CNBD1: variants seen among roughly 807,000 people sequenced by gnomAD.
CNBD1 encodes cyclic nucleotide binding domain containing 1, also known as cyclic nucleotide-binding domain-containing protein 1.
CNBD1 carries 71 observed loss-of-function variants against 54.4 expected under a neutral mutation model. That is an observed-to-expected ratio of 1.30 (90% confidence interval 1.08 to 1.59). The LOEUF is 1.59. Among genes scored for constraint, CNBD1 ranks in the 40% most tolerant of loss-of-function variants. The probability of loss-of-function intolerance (pLI) is 0.00; values close to 1 mark genes in which losing one functional copy is unlikely to be tolerated. For missense variants in CNBD1, 659 were observed against 518.0 expected (o/e 1.27, Z -2.64); for synonymous variants, 182 against 170.7 (o/e 1.07, Z -0.51).
At chr8:87,345,196 G>A (rs1474200983) in intron 8 of CNBD1, among the ~76,000 whole-genome samples, 2 of 152,044 alleles carry the variant, frequency 1.3e-5, no homozygotes, top group Admixed American at 6.5e-5. Context: ...TTGAAATGAA[G>A]CATATACACT....
chr8:86,877,370 G>T (rs1808536709), intron 1 of CNBD1, among the ~76,000 whole-genome samples: 1 of 152,040 alleles, frequency 6.6e-6, no homozygotes, highest in African/African-American at 2.4e-5. Context: ...AGTTGTATGG[G>T]TATGTGATTT....
chr8:87,333,238 G>C (rs1332685540), intron 8 of CNBD1, among the ~76,000 whole-genome samples: 2 of 152,178 alleles, frequency 1.3e-5, no homozygotes, highest in Admixed American at 6.5e-5. Context: ...CTGAGACTTT[G>C]CTGAAGTTGC....
intron 2 of CNBD1, among the ~76,000 whole-genome samples, chr8:86,900,442 C>T (rs1049634962): frequency 4.6e-5 from 7 of 152,110 alleles, no homozygotes; most frequent in East Asian, 1.9e-4. Flanking sequence ...AAGATTTGAT[C>T]GTGACTCACA....
At chr8:87,377,525 G>A (rs1317079740) in intron 10 of CNBD1, among the ~76,000 whole-genome samples, 1 of 151,880 alleles carries the variant, frequency 6.6e-6, no homozygotes, top group African/African-American at 2.4e-5. Context: ...TTGTATATGT[G>A]CCACATTTTC....
intron 2 of CNBD1, among the ~76,000 whole-genome samples, chr8:87,406,191 A>G (rs560280618): frequency 1.3e-5 from 2 of 152,200 alleles, no homozygotes; most frequent in South Asian, 4.1e-4. Flanking sequence ...CATCTAAGCC[A>G]TTGAGTCCAA....
intron 4 of CNBD1, among the ~76,000 whole-genome samples, chr8:86,989,567 C>T (rs1273485104): frequency 1.3e-5 from 2 of 152,130 alleles, no homozygotes; most frequent in Non-Finnish European, 2.9e-5. Context: ...TCTCCTGTCT[C>T]AGCCTCCCAA....
At chr8:87,425,800 G>A (rs1232462892) in intron 2 of CNBD1, among the ~76,000 whole-genome samples, 18 of 152,088 alleles carry the variant, frequency 1.2e-4, no homozygotes, top group African/African-American at 3.6e-4. Flanking sequence ...CCCAGAGGTG[G>A]AGCCTACAGA....
intron 4 of CNBD1, among the ~76,000 whole-genome samples, chr8:87,036,366 G>T (rs901657405): frequency 6.6e-6 from 1 of 151,938 alleles, no homozygotes; most frequent in Non-Finnish European, 1.5e-5. Context: ...AGGCCGAGGC[G>T]GGCGGATCAC....
intron 10 of CNBD1, among the ~76,000 whole-genome samples, chr8:87,379,377 G>T (rs1044777481): frequency 6.6e-6 from 1 of 151,584 alleles, no homozygotes; most frequent in African/African-American, 2.4e-5. Flanking sequence ...TGCACCAAGC[G>T]GACCTAGTAG....
At chr8:87,209,056 A>G (rs534156866) in intron 5 of CNBD1, among the ~76,000 whole-genome samples, 1 of 152,220 alleles carries the variant, frequency 6.6e-6, no homozygotes, top group African/African-American at 2.4e-5. Context: ...TAATTCAAAT[A>G]ATTTATTCTT....
At chr8:87,366,761 T>C (rs1214799389) in intron 10 of CNBD1, among the ~76,000 whole-genome samples, 1 of 152,032 alleles carries the variant, frequency 6.6e-6, no homozygotes, top group Non-Finnish European at 1.5e-5. Flanking sequence ...AAGCTTTCTA[T>C]TTATTGTTCT....
chr8:87,298,783 C>T (rs183903260), intron 8 of CNBD1, among the ~76,000 whole-genome samples: 9 of 149,948 alleles, frequency 6.0e-5, no homozygotes, highest in African/African-American at 2.0e-4. Flanking sequence ...CATGCCCGGC[C>T]CAAATGTGCC....
At chr8:87,383,468 T>C (rs1029852497), downstream of CNBD1, among the ~76,000 whole-genome samples, 4 of 152,136 alleles carry the variant, frequency 2.6e-5, no homozygotes, top group Non-Finnish European at 5.9e-5. Flanking sequence ...TTATGCAGTT[T>C]AATTTTTCTG....
intron 5 of CNBD1, among the ~76,000 whole-genome samples, chr8:87,225,241 C>A (rs1814453733): frequency 6.9e-6 from 1 of 145,532 alleles, no homozygotes; most frequent in Non-Finnish European, 1.5e-5. Context: ...TTATTTCCTT[C>A]TCCTGCCTAA....
At chr8:87,229,948 A>G (rs578149380) in intron 5 of CNBD1, among the ~76,000 whole-genome samples, 13 of 152,258 alleles carry the variant, frequency 8.5e-5, no homozygotes, top group African/African-American at 2.9e-4. Flanking sequence ...AATACCTGAG[A>G]CTGGGTAATT....
At chr8:87,117,916 T>C (rs144547885) in intron 4 of CNBD1, among the ~76,000 whole-genome samples, 16 of 152,270 alleles carry the variant, frequency 1.1e-4, no homozygotes, top group African/African-American at 3.6e-4. Context: ...GGATATATCA[T>C]CAATGAACAA....
In CNBD1 at chr8:86,993,057, G is replaced by C. The variant is rs74526224; in HGVS notation, c.431+53303G>C. Among the ~76,000 whole-genome samples, 3 of 152,006 alleles carry C rather than the reference G, an allele frequency of 2.0e-5. No individual in the cohort carries two copies. The East Asian group carries it at 5.8e-4, about 29-fold the overall frequency. Reference sequence around the variant, plus strand: ...TGTCTTCAAATATATTTTCCAAGTTGCTTACTCTCTCTCCTTCTCTCTTAG... The same window carrying C: ...TGTCTTCAAATATATTTTCCAAGTTCCTTACTCTCTCTCCTTCTCTCTTAG... On this transcript the variant is annotated intron_variant, in intron 4 of 10. Coordinates refer to ENST00000518476, the MANE Select transcript of CNBD1 (RefSeq NM_173538.3).
intron 4 of CNBD1, among the ~76,000 whole-genome samples, chr8:87,082,799 T>C (rs1586243878): frequency 6.6e-6 from 1 of 152,142 alleles, no homozygotes; most frequent in Non-Finnish European, 1.5e-5. Flanking sequence ...TTCCATCTGT[T>C]TATTCTTTGG....
At chr8:86,976,247 G>T (rs1808340299) in intron 4 of CNBD1, among the ~76,000 whole-genome samples, 1 of 61,640 alleles carries the variant, frequency 1.6e-5, no homozygotes, top group African/African-American at 6.1e-5. Flanking sequence ...AAGCTCATTT[G>T]TCTATTTTTG....
Sources: gnomAD v4.1 joint callset for allele counts (sites outside exome capture counted in the v4.1 genomes callset) on GRCh38, gnomAD v4.1.1 for gene constraint, MANE v1.5 for transcripts, NCBI Gene and HGNC (gene_info 2026-07-23, HGNC 2026-07-21) for gene names.